SCAPER: variants seen among roughly 807,000 people sequenced by gnomAD.
The protein encoded by SCAPER is S phase cyclin A-associated protein in the endoplasmic reticulum.
Under a neutral mutation model 182.2 loss-of-function variants are expected in SCAPER, and 98 were observed. The ratio of observed to expected loss-of-function variants is 0.54; its 90% CI spans 0.46 to 0.64. The LOEUF (loss-of-function observed/expected upper bound fraction) is 0.64, where lower values mean the gene tolerates loss of function less well. Among genes scored for constraint, SCAPER ranks in the 30% least tolerant of loss-of-function variants. The probability of loss-of-function intolerance (pLI) is 0.00; values close to 1 mark genes in which losing one functional copy is unlikely to be tolerated. For missense variants in SCAPER, 1,432 were observed against 1,690.0 expected, an observed-to-expected ratio of 0.85 and a Z score of 2.68; for synonymous variants, 605 against 564.6, an observed-to-expected ratio of 1.07 and a Z score of -1.01.
chr15:76,760,001 A>AGGAAAAACAATT (rs1455895619), intron 14 of SCAPER, among the ~76,000 whole-genome samples: 1 of 152,206 alleles, frequency 6.6e-6, no homozygotes, highest in African/African-American at 2.4e-5. Context: ...TGTAAGAGAT[A>AGGAAAAACAATT]GGAAAAACTA....
chr15:76,396,698 T>TTCTA (rs2044085604), intron 27 of SCAPER, among the ~76,000 whole-genome samples: 1 of 152,216 alleles, frequency 6.6e-6, no homozygotes, highest in Non-Finnish European at 1.5e-5. Context: ...GGTTTATCGG[T>TTCTA]TCTAATAGCT....
intron 17 of SCAPER, among the ~76,000 whole-genome samples, chr15:76,715,139 C>G (rs1011084): frequency 0.27 from 41,425 of 151,812 alleles, 6,435 homozygotes; most frequent in East Asian, 0.55. Context: ...CCTCAGGCCT[C>G]TGGCACACAG....
At chr15:76,651,148 A>G (rs2055001673) in intron 21 of SCAPER, among the ~76,000 whole-genome samples, 1 of 152,148 alleles carries the variant, frequency 6.6e-6, no homozygotes, top group South Asian at 2.1e-4. Context: ...CAAGTAAAAA[A>G]TAATAAAGAA....
At chr15:76,749,055 T>C (rs140878225) in intron 15 of SCAPER, among the ~76,000 whole-genome samples, 1,548 of 151,974 alleles carry the variant, frequency 0.01, 23 homozygotes, top group African/African-American at 0.035. Flanking sequence ...CCAAAGACAT[T>C]ACAAGAAAAG....
chr15:76,434,839 T>C (rs2047092242), intron 25 of SCAPER, among the ~76,000 whole-genome samples: 1 of 152,210 alleles, frequency 6.6e-6, no homozygotes, highest in African/African-American at 2.4e-5. Context: ...GTGTATAGTT[T>C]ACAAGTAACG....
chr15:76,875,500 G>A (rs911194200), intron 2 of SCAPER, among the ~76,000 whole-genome samples: 17 of 151,972 alleles, frequency 1.1e-4, no homozygotes, highest in African/African-American at 3.4e-4. Context: ...AAAACTTAGC[G>A]GGCGTGGTGG....
At chr15:76,552,639 A>C (rs993562373) in intron 23 of SCAPER, among the ~76,000 whole-genome samples, 1 of 152,184 alleles carries the variant, frequency 6.6e-6, no homozygotes, top group African/African-American at 2.4e-5. Context: ...TGGCAGGGAC[A>C]GCTGCACAGA....
chr15:76,369,061 C>T (rs865987452), intron 29 of SCAPER, among the ~76,000 whole-genome samples: 2 of 152,138 alleles, frequency 1.3e-5, no homozygotes, highest in Middle Eastern at 3.2e-3. Flanking sequence ...AAGGATGGGA[C>T]GTCACTTTTA....
chr15:76,543,178 A>G (rs894447950), intron 23 of SCAPER, among the ~76,000 whole-genome samples: 3 of 152,204 alleles, frequency 2.0e-5, no homozygotes, highest in South Asian at 2.1e-4. Flanking sequence ...GGGGAGGTGT[A>G]ATATGTTACT....
At chr15:76,533,548 T>C (rs1477719468) in intron 23 of SCAPER, among the ~76,000 whole-genome samples, 1 of 152,068 alleles carries the variant, frequency 6.6e-6, no homozygotes, top group Non-Finnish European at 1.5e-5. Flanking sequence ...GTATACTCTA[T>C]GATGTTTGCA....
chr15:76,771,523 CA>C (rs2063471508), intron 10 of SCAPER, among the ~76,000 whole-genome samples: 1 of 152,058 alleles, frequency 6.6e-6, no homozygotes, highest in African/African-American at 2.4e-5. Context: ...TGATTTTGAA[CA>C]AGTCACTTAA....
intron 21 of SCAPER, among the ~76,000 whole-genome samples, chr15:76,629,037 T>A (rs1474238315): frequency 1.3e-5 from 2 of 152,260 alleles, no homozygotes; most frequent in Non-Finnish European, 2.9e-5. Flanking sequence ...GGAGAACTTG[T>A]GAATTGCAGT....
chr15:76,593,903 C>A (rs1385488367), intron 22 of SCAPER, among the ~76,000 whole-genome samples: 2 of 120,192 alleles, frequency 1.7e-5, no homozygotes, highest in Admixed American at 1.9e-4. Context: ...TTCCAAACAC[C>A]AGAAGGCCTC....
chr15:76,690,235 A>ATG (rs565896366), intron 20 of SCAPER, among the ~76,000 whole-genome samples: 228 of 152,278 alleles, frequency 1.5e-3, no homozygotes, highest in Middle Eastern at 0.01. Flanking sequence ...AAATATATAT[A>ATG]ACCCCAGGGT....
chr15:76,796,679 G>A (rs987749301), intron 7 of SCAPER, among the ~76,000 whole-genome samples: 1 of 152,154 alleles, frequency 6.6e-6, no homozygotes, highest in South Asian at 2.1e-4. Context: ...ACGAATTAAC[G>A]GCTTTGAGTG....
chr15:76,472,588 G>T (rs1052113616), intron 24 of SCAPER, among the ~76,000 whole-genome samples: 5 of 152,032 alleles, frequency 3.3e-5, no homozygotes, highest in Admixed American at 2.0e-4. Flanking sequence ...CTGGTCTCGA[G>T]CTCCTGACCT....
intron 7 of SCAPER, among the ~76,000 whole-genome samples, chr15:76,799,112 T>A (rs1487162081): frequency 1.3e-5 from 2 of 152,146 alleles, no homozygotes; most frequent in African/African-American, 4.8e-5. Context: ...ATAATGTAAT[T>A]TGTATGACAA....
intron 15 of SCAPER, among the ~76,000 whole-genome samples, chr15:76,737,283 A>G (rs2061324803): frequency 6.6e-6 from 1 of 152,268 alleles, no homozygotes; most frequent in South Asian, 2.1e-4. Context: ...ATGTTACGTT[A>G]GCAGGCACGA....
chr15:76,441,934 T>A (rs1457284384), intron 25 of SCAPER, among the ~76,000 whole-genome samples: 2 of 152,174 alleles, frequency 1.3e-5, no homozygotes, highest in African/African-American at 4.8e-5. Context: ...AAATATTTTT[T>A]AAATGCATGT....
Sources: gnomAD v4.1 joint callset for allele counts (sites outside exome capture counted in the v4.1 genomes callset) on GRCh38, gnomAD v4.1.1 for gene constraint, MANE v1.5 for transcripts, NCBI Gene and HGNC (gene_info 2026-07-23, HGNC 2026-07-21) for gene names.